The following MECOM variants were observed in gnomAD, a reference collection of about 807,000 sequenced individuals.
MECOM encodes histone-lysine N-methyltransferase MECOM.
MECOM carries 13 observed loss-of-function variants against 116.3 expected under a neutral mutation model. The ratio of observed to expected loss-of-function variants is 0.11; its 90% CI spans 0.07 to 0.18. The LOEUF (loss-of-function observed/expected upper bound fraction) is 0.18. MECOM is among the 10% of genes least tolerant of loss of function. MECOM has a pLI of 1.00. For synonymous variants in MECOM, 528 were observed against 535.2 expected, an observed-to-expected ratio of 0.99 and a Z score of 0.19; for missense variants, 1,299 against 1,509.0, an observed-to-expected ratio of 0.86 and a Z score of 2.31.
intron 2 of MECOM, among the ~76,000 whole-genome samples, chr3:169,300,156 C>T (rs1716435815): frequency 6.6e-6 from 1 of 152,154 alleles, no homozygotes; most frequent in South Asian, 2.1e-4. Flanking sequence ...TCTCTTGGCC[C>T]TCAGCCTATT....
intron 1 of MECOM, among the ~76,000 whole-genome samples, chr3:169,534,810 A>G (rs1302880376): frequency 6.6e-6 from 1 of 152,194 alleles, no homozygotes; most frequent in Non-Finnish European, 1.5e-5. Context: ...GACCACTTGT[A>G]CAAGTGGGAT....
intron 2 of MECOM, among the ~76,000 whole-genome samples, chr3:169,277,274 C>T (rs1443519435): frequency 1.3e-5 from 2 of 152,102 alleles, no homozygotes; most frequent in Non-Finnish European, 2.9e-5. Context: ...TCCGTAAGCA[C>T]AGGAGGAGCT....
intron 1 of MECOM, among the ~76,000 whole-genome samples, chr3:169,559,604 T>C (rs905777754): frequency 2.6e-5 from 4 of 152,222 alleles, no homozygotes; most frequent in African/African-American, 9.6e-5. Flanking sequence ...TATCTGCCAC[T>C]TTTATGCAGC....
intron 1 of MECOM, among the ~76,000 whole-genome samples, chr3:169,651,678 C>T (rs142145459): frequency 7.9e-5 from 12 of 151,968 alleles, no homozygotes; most frequent in African/African-American, 1.7e-4. Context: ...AAATATGGTG[C>T]GGTGTATACT....
chr3:169,141,417 T>C (rs1292156647), intron 3 of MECOM, among the ~76,000 whole-genome samples: 3 of 152,068 alleles, frequency 2.0e-5, no homozygotes, highest in Admixed American at 1.3e-4. Flanking sequence ...TAGCTAAATA[T>C]TAAATAATAC....
At chr3:169,397,119 A>AT (rs1735137512) in intron 1 of MECOM, among the ~76,000 whole-genome samples, 1 of 152,256 alleles carries the variant, frequency 6.6e-6, no homozygotes, top group African/African-American at 2.4e-5. Context: ...CTCAGCTAGC[A>AT]AAAGATTATG....
chr3:169,429,295 G>T (rs573837416), intron 1 of MECOM, among the ~76,000 whole-genome samples: 1 of 152,176 alleles, frequency 6.6e-6, no homozygotes, highest in African/African-American at 2.4e-5. Flanking sequence ...TACGTGTGTG[G>T]GTGTGTATCT....
chr3:169,378,075 G>A (rs1009044530), intron 2 of MECOM, among the ~76,000 whole-genome samples: 20 of 151,246 alleles, frequency 1.3e-4, no homozygotes, highest in South Asian at 4.2e-4. Context: ...CACAGAAACA[G>A]AAAAACAAAC....
At chr3:169,497,495 G>A (rs1753964123) in intron 1 of MECOM, among the ~76,000 whole-genome samples, 1 of 152,050 alleles carries the variant, frequency 6.6e-6, no homozygotes, top group African/African-American at 2.4e-5. Context: ...ACAGGTGCCT[G>A]CCACCAGGCC....
intron 2 of MECOM, among the ~76,000 whole-genome samples, chr3:169,334,702 A>C (rs916219382): frequency 1.3e-5 from 2 of 152,194 alleles, no homozygotes; most frequent in Non-Finnish European, 2.9e-5. Flanking sequence ...TTGTTGAATT[A>C]ATCAGGAAAA....
intron 2 of MECOM, among the ~76,000 whole-genome samples, chr3:169,322,483 A>G (rs1721025238): frequency 6.6e-6 from 1 of 152,190 alleles, no homozygotes; most frequent in Non-Finnish European, 1.5e-5. Context: ...GAACTCCTTC[A>G]TTAAAAATCA....
At chr3:169,369,342 C>CA (rs1729700083) in intron 2 of MECOM, among the ~76,000 whole-genome samples, 1 of 86,962 alleles carries the variant, frequency 1.1e-5, no homozygotes, top group African/African-American at 5.0e-5. Flanking sequence ...TGATTGCAGC[C>CA]TTTTTTTTTT....
At chr3:169,456,431 A>G (rs1359265011) in intron 1 of MECOM, among the ~76,000 whole-genome samples, 1 of 152,220 alleles carries the variant, frequency 6.6e-6, no homozygotes, top group African/African-American at 2.4e-5. Context: ...AGTCAGTAAC[A>G]GTATATTTTC....
At chr3:169,389,723 C>A (rs1733933355) in intron 1 of MECOM, 6 of 258,996 alleles carry the variant, frequency 2.3e-5, no homozygotes, top group Non-Finnish European at 3.6e-5. Flanking sequence ...TTTCAGTATT[C>A]CAGCCATATC....
intron 2 of MECOM, among the ~76,000 whole-genome samples, chr3:169,271,162 T>G (rs567953482): frequency 1.5e-3 from 223 of 152,278 alleles, no homozygotes; most frequent in African/African-American, 5.1e-3. Flanking sequence ...ATCAAACTCA[T>G]GCAATCCAGG....
At chr3:169,523,589 G>A (rs976389293) in intron 1 of MECOM, among the ~76,000 whole-genome samples, 2 of 152,098 alleles carry the variant, frequency 1.3e-5, no homozygotes, top group Non-Finnish European at 2.9e-5. Flanking sequence ...TAAGTACTTA[G>A]GCACTGACAT....
intron 11 of MECOM, among the ~76,000 whole-genome samples, 197 bp downstream of exon 11, chr3:169,101,863 T>C (rs1300288100): frequency 6.6e-6 from 1 of 152,240 alleles, no homozygotes; most frequent in Non-Finnish European, 1.5e-5. Flanking sequence ...TGTCCTGTGT[T>C]AAAATTCACA....
rs1287450378 is a variant in MECOM at position 169,115,606 on chromosome 3, G to C, written c.2266C>G (p.Pro756Ala). The stretch of plus-strand genomic sequence containing the variant: ...GTCACTGGAGGCTTGGAGGGGACTG[G>C]AGTCAAGGGCTTCTCATCCTTTCGC... Reference protein sequence around the residue: ...TKRKDEKPLTPVPSKPPVTPA... With the variant: ...TKRKDEKPLTAVPSKPPVTPA... The change falls in exon 8 of 17, where the codon CCA (proline) becomes GCA (alanine). Residue 756 changes from proline to alanine, a missense_variant. Physicochemically the swap from Pro to Ala is conservative, Grantham distance 27 (BLOSUM62 -1). Coordinates refer to ENST00000651503, the MANE Select transcript of MECOM (RefSeq NM_004991.4). The C allele has an allele frequency of 8.1e-6, 13 of 1,614,042 alleles. No homozygotes were observed. The Admixed American group carries it at 2.2e-4, about 27-fold the overall frequency.
intron 1 of MECOM, among the ~76,000 whole-genome samples, chr3:169,610,498 C>CAT (rs1553898631): frequency 8.5e-5 from 11 of 128,708 alleles, no homozygotes; most frequent in East Asian, 8.4e-4. Context: ...TGTAATGTTA[C>CAT]GTGTGTGTGT....
Sources: allele counts gnomAD v4.1 joint callset (sites outside exome capture counted in the v4.1 genomes callset), GRCh38; gene constraint gnomAD v4.1.1; transcripts MANE v1.5; gene names NCBI Gene and HGNC (gene_info 2026-07-23, HGNC 2026-07-21).